Variants in ZNF385D observed in about 807,000 individuals in gnomAD.
ZNF385D encodes zinc finger protein 385D.
In ZNF385D, 15 loss-of-function variants were observed where a neutral mutation model predicts 35.8. The ratio of observed to expected loss-of-function variants is 0.42; its 90% CI spans 0.28 to 0.64. The LOEUF is 0.64. ZNF385D is among the 30% of genes least tolerant of loss of function. The pLI is 0.23. For synonymous variants in ZNF385D, 212 were observed against 186.8 expected (o/e 1.13, Z -1.10); for missense variants, 474 against 494.6 (o/e 0.96, Z 0.39).
chr3:21,997,195 G>C (rs1440356486), intron 3 of ZNF385D, among the ~76,000 whole-genome samples: 2 of 152,092 alleles, frequency 1.3e-5, no homozygotes, highest in African/African-American at 4.8e-5. Context: ...CATGCCCTTT[G>C]TAGGGACATG....
intron 1 of ZNF385D, among the ~76,000 whole-genome samples, chr3:21,709,438 G>A (rs1163687646): frequency 6.6e-6 from 1 of 152,052 alleles, no homozygotes; most frequent in Admixed American, 6.5e-5. Flanking sequence ...ACTCTTAACA[G>A]AAGCAGGGGT....
intron 3 of ZNF385D, among the ~76,000 whole-genome samples, chr3:21,926,963 A>T (rs1030306074): frequency 2.2e-4 from 34 of 152,308 alleles, no homozygotes; most frequent in Admixed American, 1.4e-3. Context: ...TTATGTTGAA[A>T]TTTGATCTCC....
At chr3:21,916,595 T>G (rs1261290368) in intron 3 of ZNF385D, among the ~76,000 whole-genome samples, 4 of 152,196 alleles carry the variant, frequency 2.6e-5, no homozygotes, top group Non-Finnish European at 5.9e-5. Flanking sequence ...ATTTTTCTAG[T>G]ATAGCCTATA....
chr3:21,813,536 C>A lies in ZNF385D; in HGVS notation c.326-148508G>T, dbSNP rs145283125. Among the ~76,000 whole-genome samples, 5 of 152,136 alleles carry A rather than the reference C, an allele frequency of 3.3e-5. No homozygotes were observed. In the Middle Eastern group the frequency reaches 0.01, roughly 310 times the overall value. ...CCTGATGGAGCTGAAAACCATGGCA[C>A]GAGAATTATGCGACTCATGCACAAG... is the stretch of plus-strand genomic sequence containing the variant. On this transcript the variant is annotated intron_variant, in intron 3 of 5. Transcript: ENST00000494108.
intron 2 of ZNF385D, among the ~76,000 whole-genome samples, chr3:22,270,974 G>C (rs945628189): frequency 6.6e-6 from 1 of 151,856 alleles, no homozygotes; most frequent in Non-Finnish European, 1.5e-5. Flanking sequence ...TCTGCCTCTT[G>C]AGAGTTTTCA....
intron 3 of ZNF385D, among the ~76,000 whole-genome samples, chr3:21,512,284 C>T (rs75077333): frequency 0.019 from 2,932 of 151,716 alleles, 78 homozygotes; most frequent in South Asian, 0.077. Context: ...AGATTCTTAA[C>T]TTAGGTTTTC....
chr3:21,778,554 T>C (rs1290258744), intron 3 of ZNF385D, among the ~76,000 whole-genome samples: 2 of 151,920 alleles, frequency 1.3e-5, no homozygotes, highest in Non-Finnish European at 2.9e-5. Context: ...ATTCAGAGCA[T>C]GGTTCGCGAA....
rs181274190 is a variant in ZNF385D, at chr3:21,675,940, G to A, written c.23-10912C>T. Among the ~76,000 whole-genome samples, 308 of 152,140 alleles carry A rather than the reference G, an allele frequency of 2.0e-3. 4 individuals carry two copies. Among genetic ancestry groups the A allele is most frequent in the African/African-American group, 5.5e-3 (228 of 41,540 alleles). On this transcript the variant is annotated intron_variant, in intron 1 of 7. Transcript: ENST00000281523. The stretch of plus-strand genomic sequence containing the variant: ...TTCAACGTAACTAATTCTACTTAAT[G>A]ATGATAGCTCTAAGAACATTCACTT...
chr3:21,875,475 G>T (rs1410455675), intron 3 of ZNF385D, among the ~76,000 whole-genome samples: 2 of 151,900 alleles, frequency 1.3e-5, no homozygotes, highest in African/African-American at 2.4e-5. Flanking sequence ...TATACCTTCT[G>T]AAGTCACTAA....
intron 1 of ZNF385D, among the ~76,000 whole-genome samples, chr3:21,744,855 AT>A (rs1349015191): frequency 1.0e-4 from 14 of 134,802 alleles, no homozygotes; most frequent in Admixed American, 5.2e-4. Context: ...GTTAAAAAAA[AT>A]AAAAAAAATA....
At chr3:22,218,551 T>C (rs1303868249) in intron 2 of ZNF385D, among the ~76,000 whole-genome samples, 1 of 152,098 alleles carries the variant, frequency 6.6e-6, no homozygotes, top group Non-Finnish European at 1.5e-5. Context: ...CTTTTTGCTT[T>C]TAATTGGCTG....
At chr3:21,476,137 G>T (rs943522875) in intron 4 of ZNF385D, among the ~76,000 whole-genome samples, 2 of 152,064 alleles carry the variant, frequency 1.3e-5, no homozygotes, top group Admixed American at 1.3e-4. Flanking sequence ...ACTTGTTTAG[G>T]CAGAAAAGCT....
intron 1 of ZNF385D, among the ~76,000 whole-genome samples, chr3:21,692,209 C>A (rs986967034): frequency 6.6e-6 from 1 of 152,108 alleles, no homozygotes; most frequent in Non-Finnish European, 1.5e-5. Context: ...TGGATGAAGA[C>A]CCTGAGGTTT....
chr3:22,300,111 C>G (rs1273413088), intron 2 of ZNF385D, among the ~76,000 whole-genome samples: 1 of 151,812 alleles, frequency 6.6e-6, no homozygotes, highest in East Asian at 1.9e-4. Flanking sequence ...AAAACCAACA[C>G]ATAGACCAAT....
At chr3:21,614,104 A>C (rs2064770825) in intron 2 of ZNF385D, among the ~76,000 whole-genome samples, 1 of 152,174 alleles carries the variant, frequency 6.6e-6, no homozygotes, top group African/African-American at 2.4e-5. Flanking sequence ...GGGCTGCCAT[A>C]ACAAAATACC....
chr3:21,818,382 G>C lies in ZNF385D; in HGVS notation c.326-153354C>G, dbSNP rs943092375. 1.6e-4 allele frequency among the ~76,000 whole-genome samples: 24 copies of C among 152,274 alleles called. No individual in the cohort carries two copies. The South Asian group carries it at 4.6e-3, about 29-fold the overall frequency. On this transcript the variant is annotated intron_variant, in intron 3 of 5. Transcript: ENST00000494108. ...TTGACTAAATGCCATCTTTTCCCCT[G>C]TTTGCAACTTGATTTAAATAATCAA...
At chr3:21,889,198 G>C (rs1356645485) in intron 3 of ZNF385D, among the ~76,000 whole-genome samples, 1 of 152,170 alleles carries the variant, frequency 6.6e-6, no homozygotes, top group African/African-American at 2.4e-5. Context: ...AGCAGCTTTA[G>C]TCCCACTGAT....
At chr3:21,541,189 C>G (rs1201001515) in intron 3 of ZNF385D, among the ~76,000 whole-genome samples, 1 of 152,122 alleles carries the variant, frequency 6.6e-6, no homozygotes. Flanking sequence ...TTATGCATGC[C>G]TGGTACAATT....
intron 3 of ZNF385D, among the ~76,000 whole-genome samples, chr3:21,847,848 A>C (rs1324109874): frequency 1.3e-5 from 2 of 152,076 alleles, no homozygotes; most frequent in Non-Finnish European, 2.9e-5. Flanking sequence ...GGAATATTTA[A>C]CATGAGACCA....
Sources: gnomAD v4.1 joint callset for allele counts (sites outside exome capture counted in the v4.1 genomes callset) on GRCh38, gnomAD v4.1.1 for gene constraint, MANE v1.5 for transcripts, NCBI Gene and HGNC (gene_info 2026-07-23, HGNC 2026-07-21) for gene names.